Variants in USH2A observed in about 807,000 individuals in gnomAD.
USH2A encodes the protein usherin.
A neutral mutation model predicts 538.9 loss-of-function variants in USH2A; 443 were observed. That is an observed-to-expected ratio of 0.82 (90% CI 0.76 to 0.89). The LOEUF is 0.89. USH2A is among the 40% of genes least tolerant of loss of function. The pLI is 0.00. For missense variants in USH2A, 6,633 were observed against 6,324.8 expected (o/e 1.05, Z -1.65); for synonymous variants, 2,413 against 2,273.5 (o/e 1.06, Z -1.75).
chr1:216,282,852 G>T (rs1483142072), intron 11 of USH2A, among the ~76,000 whole-genome samples: 4 of 151,934 alleles, frequency 2.6e-5, no homozygotes, highest in Non-Finnish European at 5.9e-5. Flanking sequence ...CATGAGCATT[G>T]GGTGTCATTC....
intron 21 of USH2A, 58 bp downstream of exon 21, chr1:216,175,194 A>G (rs2034350851): frequency 6.2e-7 from 1 of 1,607,812 alleles, no homozygotes; most frequent in African/African-American, 1.3e-5. Flanking sequence ...ATATGAAAAT[A>G]TAGAAAACAT....
At chr1:216,093,676 T>C (rs139606483) in intron 22 of USH2A, among the ~76,000 whole-genome samples, 197 of 152,292 alleles carry the variant, frequency 1.3e-3, no homozygotes, top group African/African-American at 4.6e-3. Flanking sequence ...GGGGAAATCA[T>C]TTTTGGATTA....
chr1:215,873,968 A>T (rs1664687711), intron 43 of USH2A, among the ~76,000 whole-genome samples: 1 of 152,214 alleles, frequency 6.6e-6, no homozygotes, highest in African/African-American at 2.4e-5. Context: ...TGTTTATTAT[A>T]ACTTGTTCTT....
intron 52 of USH2A, among the ~76,000 whole-genome samples, chr1:215,784,628 TA>T (rs1661741544): frequency 1.3e-5 from 2 of 152,344 alleles, no homozygotes; most frequent in Middle Eastern, 3.4e-3. Context: ...TCAGCACTGG[TA>T]TTGTCAGCTT....
intron 49 of USH2A, among the ~76,000 whole-genome samples, chr1:215,804,908 G>T (rs963921694): frequency 5.3e-5 from 8 of 152,234 alleles, no homozygotes; most frequent in African/African-American, 1.9e-4. Context: ...TGATAGACAG[G>T]ATTAAGAAAA....
intron 61 of USH2A, among the ~76,000 whole-genome samples, chr1:215,724,275 C>G (rs987037793): frequency 1.6e-4 from 25 of 151,850 alleles, no homozygotes; most frequent in Middle Eastern, 6.8e-3. Flanking sequence ...GAATACTACT[C>G]AGCCATAAAA....
intron 11 of USH2A, among the ~76,000 whole-genome samples, chr1:216,260,070 A>G (rs1329688977): frequency 1.3e-5 from 2 of 152,102 alleles, no homozygotes; most frequent in Admixed American, 1.3e-4. Flanking sequence ...AATTTTTGAT[A>G]AAGTTCAGAT....
chr1:216,199,384 A>C (rs2102465702), intron 17 of USH2A, among the ~76,000 whole-genome samples: 1 of 152,320 alleles, frequency 6.6e-6, no homozygotes, highest in Non-Finnish European at 1.5e-5. Context: ...ATTAAGAGCA[A>C]AGATAATATT....
At chr1:216,118,422 T>C (rs992420234) in intron 21 of USH2A, among the ~76,000 whole-genome samples, 1 of 152,070 alleles carries the variant, frequency 6.6e-6, no homozygotes, top group African/African-American at 2.4e-5. Flanking sequence ...CTCAAGGACT[T>C]CTCTATGGGA....
intron 21 of USH2A, among the ~76,000 whole-genome samples, chr1:216,147,779 G>T (rs1571999567): frequency 6.6e-6 from 1 of 151,300 alleles, no homozygotes; most frequent in East Asian, 2.0e-4. Context: ...AACCGCAGCG[G>T]CCAGGCATTC....
intron 20 of USH2A, among the ~76,000 whole-genome samples, chr1:216,181,683 C>T (rs140730843): frequency 6.6e-6 from 1 of 152,068 alleles, no homozygotes; most frequent in Admixed American, 6.6e-5. Flanking sequence ...AAGTCCACCA[C>T]TAATAAAAGG....
intron 21 of USH2A, among the ~76,000 whole-genome samples, chr1:216,116,332 T>A (rs2033008111): frequency 6.6e-6 from 1 of 152,138 alleles, no homozygotes; most frequent in South Asian, 2.1e-4. Flanking sequence ...TAAAATATAC[T>A]GTATTTTATT....
At chr1:215,634,013 G>A (rs961098949) in intron 70 of USH2A, among the ~76,000 whole-genome samples, 3 of 151,980 alleles carry the variant, frequency 2.0e-5, no homozygotes, top group African/African-American at 4.8e-5. Context: ...CCCCATCTCC[G>A]CCTTTTAATG....
In USH2A at chr1:216,356,913, G is replaced by T. The variant is rs138351358; in HGVS notation, c.784+8040C>A. On this transcript the variant is annotated intron_variant, in intron 4 of 71. Coordinates refer to ENST00000307340, the MANE Select transcript of USH2A (RefSeq NM_206933.4). ...GTTACCCCAAACTATTTCCAACACC[G>T]GTATAATCGCTTTTCTAGTCCTTGC... Among the ~76,000 whole-genome samples, 334 of 152,090 alleles carry T rather than the reference G, an allele frequency of 2.2e-3. 2 individuals are homozygous for T. The highest frequency in any genetic ancestry group is 7.5e-3 in the African/African-American group (313 of 41,538).
At chr1:215,625,989 C>G (rs976483999) in intron 71 of USH2A, 119 bp from the exon 72 acceptor site, 9 of 985,106 alleles carry the variant, frequency 9.1e-6, no homozygotes, top group Non-Finnish European at 1.1e-5. Context: ...TTTTTATTCT[C>G]AACACCATGG....
intron 15 of USH2A, among the ~76,000 whole-genome samples, chr1:216,217,077 A>G (rs557228011): frequency 6.6e-6 from 1 of 152,112 alleles, no homozygotes; most frequent in African/African-American, 2.4e-5. Flanking sequence ...TTTACCATTA[A>G]AAGTCTTGTG....
intron 11 of USH2A, among the ~76,000 whole-genome samples, chr1:216,253,206 T>C (rs2036198314): frequency 1.3e-5 from 2 of 151,678 alleles, no homozygotes; most frequent in Admixed American, 6.6e-5. Context: ...GAAACAGACA[T>C]TTAAAAATGC....
rs376269261 is a variant in USH2A at position 215,675,609 on chromosome 1, T to A, written c.12302A>T (p.Asn4101Ile). ...CTCCAGGAACCCGTCACTGAAGATG[T>A]TGTATGTCTACAGAAGGACAGAAGC... Reference protein sequence around the residue: ...MRTNGVIKTYNIFSDGFLEYS... With the variant: ...MRTNGVIKTYIIFSDGFLEYS... The change falls in exon 63 of 72, where the codon AAC (asparagine) becomes ATC (isoleucine). Residue 4101 changes from asparagine (N) to isoleucine (I), a missense_variant. Physicochemically the swap from Asn to Ile is moderately radical, Grantham distance 149. Transcript: ENST00000307340. The A allele has an allele frequency of 2.5e-6, 4 of 1,614,150 alleles. 1 individual carries two copies. In the Admixed American group the frequency reaches 6.7e-5, roughly 27 times the overall value.
intron 21 of USH2A, among the ~76,000 whole-genome samples, chr1:216,147,189 C>T (rs1430872963): frequency 3.9e-5 from 6 of 151,954 alleles, no homozygotes; most frequent in African/African-American, 1.5e-4. Flanking sequence ...TCTTCCTTTT[C>T]TACAGACCCA....
Sources: gnomAD v4.1 joint callset for allele counts (sites outside exome capture counted in the v4.1 genomes callset) on GRCh38, gnomAD v4.1.1 for gene constraint, MANE v1.5 for transcripts, NCBI Gene and HGNC (gene_info 2026-07-23, HGNC 2026-07-21) for gene names.